Variants in NADSYN1 observed in about 807,000 individuals in gnomAD.
NADSYN1 encodes glutamine-dependent NAD(+) synthetase.
NADSYN1 carries 80 observed loss-of-function variants against 99.3 expected under a neutral mutation model. That is an observed-to-expected ratio of 0.81 (90% CI 0.67 to 0.97). The LOEUF is 0.97. Ranked by LOEUF, NADSYN1 falls within the 50% of genes least tolerant of loss-of-function variation. The pLI, the probability that NADSYN1 is intolerant of heterozygous loss-of-function variation, is 0.00. For missense variants in NADSYN1, 859 were observed against 948.5 expected, an observed-to-expected ratio of 0.91 and a Z score of 1.24; for synonymous variants, 385 against 372.1, an observed-to-expected ratio of 1.03 and a Z score of -0.40.
chr11:71,490,817 C>A (rs1419382019), intron 16 of NADSYN1, 28 bp from the exon 17 acceptor site: 1 of 1,612,622 alleles, frequency 6.2e-7, no homozygotes, highest in African/African-American at 1.3e-5. Flanking sequence ...CCCTTGGGAA[C>A]CCGCGCTCTT....
chr11:71,473,975 A>G (rs1949647020), intron 8 of NADSYN1, among the ~76,000 whole-genome samples: 1 of 152,102 alleles, frequency 6.6e-6, no homozygotes. Context: ...CGTAGGGAAC[A>G]CCCGTACGTT....
intron 15 of NADSYN1, 71 bp downstream of exon 15, chr11:71,484,518 G>A: frequency 2.6e-6 from 4 of 1,522,528 alleles, no homozygotes; most frequent in Non-Finnish European, 3.5e-6. Context: ...ACTACAGGAT[G>A]TGCAGGTGCC....
At chr11:71,491,756 T>C in intron 17 of NADSYN1, 78 bp from the exon 18 acceptor site, 3 of 1,374,948 alleles carry the variant, frequency 2.2e-6, no homozygotes, top group Non-Finnish European at 3.1e-6. Context: ...CTCGGGAAAC[T>C]TAGTCTGGGG....
Position 71,487,692 on chromosome 11 carries a change from G to A in NADSYN1, c.1562+2044G>A, listed in dbSNP as rs1190772081. Among the ~76,000 whole-genome samples, 9 of 151,812 alleles carry A rather than the reference G, an allele frequency of 5.9e-5. No homozygotes were observed. In the South Asian group the frequency reaches 1.0e-3, roughly 18 times the overall value. ...TAAAAATACAAAAAATTAGCCGGGC[G>A]TGGTGGCAGGTGCCTGTAGTCCCAG... On this transcript the variant is annotated intron_variant, in intron 16 of 20. Coordinates refer to ENST00000319023, the MANE Select transcript of NADSYN1 (RefSeq NM_018161.5).
chr11:71,466,833 A>G (rs1250459579), intron 5 of NADSYN1: 1 of 152,250 alleles, frequency 6.6e-6, no homozygotes, highest in African/African-American at 2.4e-5. Context: ...AGCTGGCAGG[A>G]AAGTACAGAA....
chr11:71,469,645 T>C (rs1445770703), intron 5 of NADSYN1, among the ~76,000 whole-genome samples: 1 of 152,224 alleles, frequency 6.6e-6, no homozygotes, highest in Non-Finnish European at 1.5e-5. Context: ...CTATTGTTTG[T>C]GGTTCAGGAA....
intron 16 of NADSYN1, among the ~76,000 whole-genome samples, chr11:71,488,130 C>T (rs754921387): frequency 3.3e-5 from 5 of 152,036 alleles, no homozygotes; most frequent in Admixed American, 1.3e-4. Context: ...GATTCTAGTT[C>T]AGTCGCATCC....
Position 71,473,282 on chromosome 11 carries a change from C to G in NADSYN1, c.464C>G (p.Thr155Ser). 6.2e-7 allele frequency: 1 copy of G among 1,614,126 alleles called. No individual in the cohort carries two copies. The highest frequency in any genetic ancestry group is 8.5e-7 in the Non-Finnish European group (1 of 1,180,000). Reference protein sequence around the residue: ...RMIQDLTKQETVPFGDAVLVT... With the variant: ...RMIQDLTKQESVPFGDAVLVT... Reference sequence around the variant, plus strand: ...ACTCTTCTCTTCCGACTGCAGGAAACCGTACCCTTCGGAGATGCGGTGCTG... The same window carrying G: ...ACTCTTCTCTTCCGACTGCAGGAAAGCGTACCCTTCGGAGATGCGGTGCTG... Residue 155 changes from threonine to serine, a missense_variant, in exon 7 of 21, where the codon ACC becomes AGC. Physicochemically the swap from Thr to Ser is moderately conservative, Grantham distance 58 (BLOSUM62 1). Coordinates refer to ENST00000319023, the MANE Select transcript of NADSYN1 (RefSeq NM_018161.5).
intron 5 of NADSYN1, among the ~76,000 whole-genome samples, chr11:71,468,437 A>C (rs1037642308): frequency 1.3e-5 from 2 of 152,262 alleles, no homozygotes; most frequent in African/African-American, 4.8e-5. Flanking sequence ...GATACTGATC[A>C]ATTTTTGACT....
rs202237374 is a variant in NADSYN1, at chr11:71,473,270, G to A, written c.460-8G>A. ...TGAATCTCATGCACTCTTCTCTTCC[G>A]ACTGCAGGAAACCGTACCCTTCGGA... On this transcript the variant is annotated splice_polypyrimidine_tract_variant and splice_region_variant and intron_variant, in intron 6 of 20. Transcript: ENST00000319023. The A allele has an allele frequency of 4.5e-5, 72 of 1,613,768 alleles. No individual in the cohort carries two copies. The highest frequency in any genetic ancestry group is 1.6e-4 in the Middle Eastern group (1 of 6,082).
intron 5 of NADSYN1, chr11:71,466,827 G>C (rs1482329407): frequency 6.6e-6 from 1 of 152,222 alleles, no homozygotes; most frequent in Non-Finnish European, 1.5e-5. Flanking sequence ...CCACTGAGCT[G>C]GCAGGAAAGT....
chr11:71,476,567 A>G, intron 9 of NADSYN1: 4 of 756,330 alleles, frequency 5.3e-6, no homozygotes, highest in Non-Finnish European at 6.5e-6. Context: ...GGGGGCAGGC[A>G]AGGGTGTGGC....
chr11:71,490,819 C>T (rs368321479), intron 16 of NADSYN1, 26 bp from the exon 17 acceptor site: 23 of 1,612,752 alleles, frequency 1.4e-5, no homozygotes, highest in African/African-American at 5.3e-5. Context: ...CTTGGGAACC[C>T]GCGCTCTTTC....
At chr11:71,454,339 G>A (rs1033280732) in intron 1 of NADSYN1, among the ~76,000 whole-genome samples, 5 of 152,024 alleles carry the variant, frequency 3.3e-5, no homozygotes, top group African/African-American at 1.2e-4. Flanking sequence ...AGCCTCCTGA[G>A]TAGCTGGGAT....
In NADSYN1 at chr11:71,498,496, T is replaced by C. The variant is rs1949835915; in HGVS notation, c.2038T>C (p.Trp680Arg). The C allele has an allele frequency of 6.2e-7, 1 of 1,614,046 alleles. No individual in the cohort carries two copies. The highest frequency in any genetic ancestry group is 1.7e-5 in the Admixed American group (1 of 60,002). ...DLRPFLYNTS[W>R]PWQFRCIENQ... is the part of the protein sequence containing the mutation. ...GCGACCATTTCTGTACAACACAAGC[T>C]GGCCTTGGCAGTTTCGGTGCATAGA... Residue 680 changes from tryptophan (W) to arginine (R), a missense_variant, in exon 20 of 21, where the codon TGG becomes CGG. Trp to Arg is a moderately radical substitution (Grantham distance 101, BLOSUM62 -3). Coordinates refer to ENST00000319023, the MANE Select transcript of NADSYN1 (RefSeq NM_018161.5).
chr11:71,484,199 C>A, intron 14 of NADSYN1, 113 bp from the exon 15 acceptor site: 1 of 1,456,642 alleles, frequency 6.9e-7, no homozygotes, highest in Non-Finnish European at 9.3e-7. Context: ...AAATCATACG[C>A]TTTAAATGGG....
chr11:71,463,703 A>G (rs1949567008), intron 4 of NADSYN1, among the ~76,000 whole-genome samples: 2 of 151,836 alleles, frequency 1.3e-5, no homozygotes, highest in South Asian at 2.1e-4. Context: ...ATCATCAGGT[A>G]TCAGAAGGAG....
At chr11:71,474,246 C>T in intron 8 of NADSYN1, 149 bp from the exon 9 acceptor site, 1 of 1,026,206 alleles carries the variant, frequency 9.7e-7, no homozygotes, top group Non-Finnish European at 1.4e-6. Flanking sequence ...CAGGTCTGTG[C>T]TTCCCCACAC....
chr11:71,483,277 T>C (rs1283838784), intron 14 of NADSYN1, among the ~76,000 whole-genome samples: 1 of 152,176 alleles, frequency 6.6e-6, no homozygotes, highest in East Asian at 1.9e-4. Context: ...CCACTTTCTC[T>C]TGGTTTGAGC....
Sources: allele counts gnomAD v4.1 joint callset (sites outside exome capture counted in the v4.1 genomes callset), GRCh38; gene constraint gnomAD v4.1.1; transcripts MANE v1.5; gene names NCBI Gene and HGNC (gene_info 2026-07-23, HGNC 2026-07-21).